Variants in LOC128092253 observed in about 807,000 individuals in gnomAD.
the LOC128092253 span, among the ~76,000 whole-genome samples, chr6:133,964,408 G>A: frequency 4.0e-5 from 6 of 150,720 alleles, no homozygotes; most frequent in African/African-American, 1.5e-4. Flanking sequence ...AGAAATGTTT[G>A]AACTGTTTGT....
the LOC128092253 span, among the ~76,000 whole-genome samples, chr6:133,953,733 G>A: frequency 6.6e-6 from 1 of 151,982 alleles, no homozygotes; most frequent in East Asian, 1.9e-4. Context: ...AGAAAAGAAG[G>A]GTTATCTTTC....
chr6:133,962,030 G>A, the LOC128092253 span, among the ~76,000 whole-genome samples: 6 of 152,100 alleles, frequency 3.9e-5, no homozygotes, highest in African/African-American at 7.2e-5. Flanking sequence ...GCAATTATGC[G>A]TAAAAGTTTC....
At chr6:133,967,566 A>G in the LOC128092253 span, among the ~76,000 whole-genome samples, 4 of 152,222 alleles carry the variant, frequency 2.6e-5, no homozygotes, top group African/African-American at 7.2e-5. Context: ...AGAATCTACT[A>G]CACACCTGGG....
the LOC128092253 span, among the ~76,000 whole-genome samples, chr6:133,965,051 A>T: frequency 6.6e-6 from 1 of 152,224 alleles, no homozygotes; most frequent in Non-Finnish European, 1.5e-5. Context: ...GATGCATGCC[A>T]ATTCTGACAC....
At chr6:133,956,305 A>G in the LOC128092253 span, among the ~76,000 whole-genome samples, 5 of 152,218 alleles carry the variant, frequency 3.3e-5, no homozygotes, top group African/African-American at 1.2e-4. Flanking sequence ...TGAAACTTAA[A>G]TCCATTTTGT....
chr6:133,956,164 T>C, the LOC128092253 span, among the ~76,000 whole-genome samples: 23 of 152,236 alleles, frequency 1.5e-4, no homozygotes, highest in Admixed American at 5.9e-4. Flanking sequence ...ATTATTGCTA[T>C]AAAATATGAA....
the LOC128092253 span, among the ~76,000 whole-genome samples, chr6:133,958,772 T>C: frequency 2.6e-5 from 4 of 152,138 alleles, no homozygotes; most frequent in African/African-American, 9.6e-5. Context: ...TAGAGGTTTA[T>C]ATAAAATATA....
At chr6:133,979,721 A>T in the LOC128092253 span, among the ~76,000 whole-genome samples, 7 of 152,116 alleles carry the variant, frequency 4.6e-5, no homozygotes, top group African/African-American at 1.7e-4. Context: ...ATCTCGGCTC[A>T]CTGCAACCTC....
chr6:133,971,656 G>A, the LOC128092253 span, among the ~76,000 whole-genome samples: 2 of 151,804 alleles, frequency 1.3e-5, no homozygotes, highest in Non-Finnish European at 2.9e-5. Context: ...TCTCATTGTG[G>A]TTTTGATTTG....
At chr6:133,958,604 C>T in the LOC128092253 span, among the ~76,000 whole-genome samples, 1 of 152,162 alleles carries the variant, frequency 6.6e-6, no homozygotes, top group South Asian at 2.1e-4. Context: ...AAAGTTAAGT[C>T]CAAATGTTTT....
At chr6:133,974,135 T>C in the LOC128092253 span, among the ~76,000 whole-genome samples, 7 of 152,082 alleles carry the variant, frequency 4.6e-5, no homozygotes, top group Non-Finnish European at 8.8e-5. Context: ...ATTAGACATA[T>C]AATTTTTTCT....
At chr6:133,957,387 G>T in the LOC128092253 span, among the ~76,000 whole-genome samples, 1 of 152,198 alleles carries the variant, frequency 6.6e-6, no homozygotes. Context: ...GCATTGAATT[G>T]TGCTTAGCAC....
At chr6:133,959,291 C>T in the LOC128092253 span, among the ~76,000 whole-genome samples, 1 of 152,186 alleles carries the variant, frequency 6.6e-6, no homozygotes, top group Non-Finnish European at 1.5e-5. Context: ...CTGCCTGTCT[C>T]AGCCTCCCGG....
the LOC128092253 span, among the ~76,000 whole-genome samples, chr6:133,972,896 A>G: frequency 6.6e-6 from 1 of 152,172 alleles, no homozygotes; most frequent in Non-Finnish European, 1.5e-5. Context: ...TACAGGTGGT[A>G]TTATCACCAA....
At chr6:133,969,681 A>C in the LOC128092253 span, among the ~76,000 whole-genome samples, 1 of 152,182 alleles carries the variant, frequency 6.6e-6, no homozygotes, top group Admixed American at 6.5e-5. Flanking sequence ...AACCCTGTGG[A>C]CTGACTCCTA....
the LOC128092253 span, among the ~76,000 whole-genome samples, chr6:133,960,307 G>C: frequency 0.026 from 4,016 of 152,230 alleles, 69 homozygotes; most frequent in Middle Eastern, 0.054. Flanking sequence ...TTGTACTGAG[G>C]GGGGAGGCCC....
At chr6:133,972,585 G>A in the LOC128092253 span, among the ~76,000 whole-genome samples, 6 of 152,116 alleles carry the variant, frequency 3.9e-5, no homozygotes, top group South Asian at 8.3e-4. Context: ...GGAAACACAC[G>A]GGCATGGCTG....
At chr6:133,961,400 T>C in the LOC128092253 span, among the ~76,000 whole-genome samples, 3 of 151,902 alleles carry the variant, frequency 2.0e-5, no homozygotes, top group East Asian at 3.9e-4. Flanking sequence ...GTTGCTCTTC[T>C]CCCAGTGTTT....
chr6:133,972,308 A>T, the LOC128092253 span, among the ~76,000 whole-genome samples: 1 of 152,186 alleles, frequency 6.6e-6, no homozygotes, highest in African/African-American at 2.4e-5. Flanking sequence ...CACTCAAATC[A>T]CTCAAATTTC....
Sources: allele counts gnomAD v4.1 joint callset (sites outside exome capture counted in the v4.1 genomes callset), GRCh38; gene constraint gnomAD v4.1.1; transcripts MANE v1.5.